The following EPS15L1 variants were observed in gnomAD, a reference collection of about 807,000 sequenced individuals.
The protein encoded by EPS15L1 is epidermal growth factor receptor substrate 15-like 1.
Under a neutral mutation model 117.1 loss-of-function variants are expected in EPS15L1, and 43 were observed. The observed-to-expected ratio is 0.37, with a 90% CI of 0.29 to 0.47. EPS15L1 has a LOEUF of 0.47. EPS15L1 is among the 20% of genes least tolerant of loss of function. EPS15L1 has a pLI of 0.99. For synonymous variants in EPS15L1, 459 were observed against 470.5 expected, an observed-to-expected ratio of 0.98 and a Z score of 0.32; for missense variants, 981 against 1,164.0, an observed-to-expected ratio of 0.84 and a Z score of 2.29.
At chr19:16,442,049 C>A (rs1321223957) in intron 2 of EPS15L1, 68 bp from the exon 3 acceptor site, 34 of 1,491,146 alleles carry the variant, frequency 2.3e-5, no homozygotes, top group Non-Finnish European at 3.1e-5. Context: ...GTGGCACCCG[C>A]CACGCTAACT....
chr19:16,443,746 A>G (rs988308892), intron 1 of EPS15L1, among the ~76,000 whole-genome samples: 1 of 151,776 alleles, frequency 6.6e-6, no homozygotes, highest in Non-Finnish European at 1.5e-5. Context: ...TGCCCGGATT[A>G]TGGTCAGCGT....
In EPS15L1 at chr19:16,359,195, C is replaced by T. The variant is rs370846941; in HGVS notation, c.2586+2584G>A. Among the ~76,000 whole-genome samples the T allele has an allele frequency of 2.2e-4, 34 of 152,324 alleles. No individual in the cohort carries two copies. In the South Asian group the frequency reaches 5.0e-3, roughly 22 times the overall value. On this transcript the variant is annotated intron_variant, in intron 23 of 23. Coordinates refer to ENST00000455140, the MANE Select transcript of EPS15L1 (RefSeq NM_001258374.3). ...CAGAACGTCCACGCTGAAAGAGTCA[C>T]GCTGCCAATCTGCCGGGCAGTCAGA...
rs2092638008 is a variant in EPS15L1, at chr19:16,404,675, G to T, written c.1341C>A (p.Asp447Glu). 2 of 1,614,090 alleles carry T rather than the reference G, an allele frequency of 1.2e-6. No individual in the cohort carries two copies. Among genetic ancestry groups the T allele is most frequent in the Admixed American group, 1.7e-5 (1 of 60,004 alleles). The change falls in exon 14 of 24, where the codon GAC (aspartate) becomes GAA (glutamate). Residue 447 changes from aspartate to glutamate, a missense_variant. Asp to Glu is a conservative substitution (Grantham distance 45). Around this residue, in one of 5 missense-constraint regions of EPS15L1, gnomAD observed 819 missense variants for 949.0 expected, o/e 0.86. Coordinates refer to ENST00000455140, the MANE Select transcript of EPS15L1 (RefSeq NM_001258374.3). The surrounding 1 kb of genome is among the most constrained non-coding windows in gnomAD (Gnocchi z 4.2). ...TCTGCTGGTCCATCTCGTCCAGGCG[G>T]TCTTGAGCATCCTGTTTCTGAGCCT... Reference protein sequence around the residue: ...ELEAQKQDAQDRLDEMDQQKA... With the variant: ...ELEAQKQDAQERLDEMDQQKA...
intron 4 of EPS15L1, among the ~76,000 whole-genome samples, chr19:16,440,084 AC>A (rs2093016016): frequency 2.0e-5 from 3 of 146,436 alleles, no homozygotes; most frequent in Admixed American, 6.9e-5. Context: ...AAAAAAAAAA[AC>A]TCTGATTAAG....
intron 1 of EPS15L1, among the ~76,000 whole-genome samples, chr19:16,469,089 A>G (rs4470265): frequency 0.93 from 141,814 of 152,178 alleles, 66,293 homozygotes; most frequent in African/African-American, 0.98. Flanking sequence ...TAGGAAGTAG[A>G]ATGGCCCAGA....
chr19:16,415,104 T>C (rs1313480181), intron 12 of EPS15L1, among the ~76,000 whole-genome samples: 3 of 152,146 alleles, frequency 2.0e-5, no homozygotes, highest in African/African-American at 7.2e-5. Flanking sequence ...GAAAAATTGA[T>C]TATAGGTGTG....
chr19:16,382,775 G>A (rs2144728829), intron 21 of EPS15L1, among the ~76,000 whole-genome samples: 1 of 152,250 alleles, frequency 6.6e-6, no homozygotes, highest in East Asian at 1.9e-4. Context: ...CTCTTCAGGT[G>A]AGGGTGGGGC....
chr19:16,369,866 T>C (rs1215555321), intron 22 of EPS15L1, among the ~76,000 whole-genome samples: 1 of 152,214 alleles, frequency 6.6e-6, no homozygotes, highest in Non-Finnish European at 1.5e-5. Flanking sequence ...TGAACACCCC[T>C]GGGTGTCAGC....
At chr19:16,417,032 A>G (rs961636925) in intron 12 of EPS15L1, among the ~76,000 whole-genome samples, 2 of 152,180 alleles carry the variant, frequency 1.3e-5, no homozygotes, top group African/African-American at 2.4e-5. Flanking sequence ...CTGAGACCCA[A>G]TTGCCCTAGC....
intron 1 of EPS15L1, among the ~76,000 whole-genome samples, chr19:16,464,588 A>G (rs2093282587): frequency 6.6e-6 from 1 of 152,126 alleles, no homozygotes; most frequent in East Asian, 1.9e-4. Flanking sequence ...TGGCCCTTTG[A>G]CCTAGACCTG....
At chr19:16,393,821 T>C in intron 18 of EPS15L1, 130 bp downstream of exon 18, 3 of 930,710 alleles carry the variant, frequency 3.2e-6, no homozygotes, top group Admixed American at 1.8e-5. Flanking sequence ...ACAACATGGA[T>C]GGACGGCCGT....
intron 7 of EPS15L1, among the ~76,000 whole-genome samples, chr19:16,432,246 C>G (rs2092935301): frequency 6.6e-6 from 1 of 151,848 alleles, no homozygotes. Flanking sequence ...CTAGCCTGAC[C>G]AACATGGTGA....
At chr19:16,409,658 C>T (rs1353619498) in intron 13 of EPS15L1, among the ~76,000 whole-genome samples, 1 of 152,158 alleles carries the variant, frequency 6.6e-6, no homozygotes, top group African/African-American at 2.4e-5. Flanking sequence ...CAGCTATAGG[C>T]CAGGCGCAGT....
chr19:16,386,728 C>T (rs1386048184), intron 19 of EPS15L1, among the ~76,000 whole-genome samples: 2 of 152,168 alleles, frequency 1.3e-5, no homozygotes, highest in African/African-American at 2.4e-5. Flanking sequence ...ATCCACTCTC[C>T]CCCAAGTCTC....
chr19:16,430,023 C>T (rs2092912606), intron 7 of EPS15L1, among the ~76,000 whole-genome samples: 1 of 152,210 alleles, frequency 6.6e-6, no homozygotes. Context: ...TGCCCAATGT[C>T]CCCTGGGGGG....
At chr19:16,362,922 G>A (rs528782676) in intron 22 of EPS15L1, among the ~76,000 whole-genome samples, 7 of 152,130 alleles carry the variant, frequency 4.6e-5, no homozygotes, top group Admixed American at 1.3e-4. Flanking sequence ...CAGGATGCCC[G>A]GTCCCAGCAA....
At position 16,371,178 on chromosome 19, in the gene EPS15L1, G is replaced by T. The variant is rs543708156; in HGVS notation, c.2380+5944C>A. Reference sequence around the variant, plus strand: ...GACCCACATGGGCACATGATGGGGAGAGGTCACTGAGCCCTGGTTTCGATG... The same window carrying T: ...GACCCACATGGGCACATGATGGGGATAGGTCACTGAGCCCTGGTTTCGATG... On this transcript the variant is annotated intron_variant, in intron 22 of 23. Coordinates refer to ENST00000455140, the MANE Select transcript of EPS15L1 (RefSeq NM_001258374.3). This position sits in a 1 kb window ranked among gnomAD's most constrained non-coding sequence, Gnocchi z 4.7. Among the ~76,000 whole-genome samples the T allele has an allele frequency of 1.5e-4, 23 of 152,322 alleles. No homozygotes were observed. The East Asian group carries it at 4.4e-3, about 29-fold the overall frequency.
At chr19:16,468,203 C>G (rs1010609016) in intron 1 of EPS15L1, among the ~76,000 whole-genome samples, 1 of 152,146 alleles carries the variant, frequency 6.6e-6, no homozygotes, top group South Asian at 2.1e-4. Flanking sequence ...AGGCAGCATA[C>G]GGCAGGAGCT....
chr19:16,404,861 T>A lies in EPS15L1; in HGVS notation c.1267-112A>T. On this transcript the variant is annotated intron_variant, in intron 13 of 23. Transcript: ENST00000455140. The surrounding 1 kb of genome is among the most constrained non-coding windows in gnomAD (Gnocchi z 4.2). ...AGGGGAAGCCTCCGAAACCACCCACTGTGACCGTGCTCAGGGCCAGCATTC... is the reference window on the plus strand; with the variant it reads ...AGGGGAAGCCTCCGAAACCACCCACAGTGACCGTGCTCAGGGCCAGCATTC... 1 of 1,187,410 alleles carries A rather than the reference T, an allele frequency of 8.4e-7. No individual in the cohort carries two copies. The highest frequency in any genetic ancestry group is 1.2e-6 in the Non-Finnish European group (1 of 830,552). 73.6% of individuals were successfully genotyped at this position (1,187,410 alleles called of 1,614,324 possible). A position where few individuals can be genotyped will look rare whatever the true frequency, so the allele number is the denominator to read the frequency against.
Sources: gnomAD v4.1 joint callset for allele counts (sites outside exome capture counted in the v4.1 genomes callset) on GRCh38, gnomAD v4.1.1 for gene constraint, gnomAD v4.1.1 regional missense constraint, Gnocchi (gnomAD v3.1) non-coding constraint, MANE v1.5 for transcripts, NCBI Gene and HGNC (gene_info 2026-07-23, HGNC 2026-07-21) for gene names.